Variants in SLC6A15 observed in about 807,000 individuals in gnomAD.
The protein encoded by SLC6A15 is solute carrier family 6 member 15, also known as sodium-dependent neutral amino acid transporter B(0)AT2.
SLC6A15 carries 33 observed loss-of-function variants against 68.5 expected under a neutral mutation model. That is an observed-to-expected ratio of 0.48 (90% confidence interval 0.37 to 0.64). The LOEUF is 0.64. Ranked by LOEUF, SLC6A15 falls within the 30% of genes least tolerant of loss-of-function variation. The pLI is 0.00. For missense variants in SLC6A15, 747 were observed against 874.3 expected, an observed-to-expected ratio of 0.85 and a Z score of 1.84; for synonymous variants, 347 against 301.0, an observed-to-expected ratio of 1.15 and a Z score of -1.58.
intron 5 of SLC6A15, chr12:84,882,430 C>G (rs1415665765): frequency 1.0e-6 from 1 of 967,494 alleles, no homozygotes; most frequent in Admixed American, 6.2e-5. Context: ...ATTCAAAAGA[C>G]AAAATGATAC....
intron 1 of SLC6A15, among the ~76,000 whole-genome samples, chr12:84,906,106 A>C (rs1368019762): frequency 6.6e-6 from 1 of 152,236 alleles, no homozygotes; most frequent in Non-Finnish European, 1.5e-5. Context: ...AAGTCACAGA[A>C]TACACGGTAA....
chr12:84,898,623 T>A (rs1304269974), intron 1 of SLC6A15, among the ~76,000 whole-genome samples: 1 of 152,190 alleles, frequency 6.6e-6, no homozygotes, highest in Non-Finnish European at 1.5e-5. Flanking sequence ...ATGAGAACAA[T>A]AATATACTTA....
intron 6 of SLC6A15, among the ~76,000 whole-genome samples, chr12:84,873,826 T>A (rs925294682): frequency 3.3e-5 from 5 of 152,240 alleles, no homozygotes; most frequent in Non-Finnish European, 7.3e-5. Flanking sequence ...CATATTCACA[T>A]ATGTATTCTT....
chr12:84,864,945 AT>A (rs145771833), intron 10 of SLC6A15, among the ~76,000 whole-genome samples: 1 of 152,130 alleles, frequency 6.6e-6, no homozygotes, highest in Non-Finnish European at 1.5e-5. Context: ...TAGTAGTAGT[AT>A]TTTTTCTTCT....
chr12:84,872,847 G>T, intron 7 of SLC6A15, 53 bp from the exon 8 acceptor site: 1 of 1,401,778 alleles, frequency 7.1e-7, no homozygotes. Context: ...TTGGTGTATA[G>T]TTTGTGAACG....
In SLC6A15 at chr12:84,883,836, A is replaced by G. The variant is rs79063785; in HGVS notation, c.756+23T>C. Reference sequence around the variant, plus strand: ...TCCAGAAATGGTGATTAGCAGAATGAGGAAGGGCTCTAACATACTAACTTT... The same window carrying G: ...TCCAGAAATGGTGATTAGCAGAATGGGGAAGGGCTCTAACATACTAACTTT... On this transcript the variant is annotated intron_variant, in intron 5 of 11. Transcript: ENST00000266682. 8.6e-3 allele frequency: 13,832 copies of G among 1,614,096 alleles called. 766 individuals are homozygous for G. In the African/African-American group the frequency reaches 0.14, roughly 16 times the overall value.
At position 84,872,739 on chromosome 12, in the gene SLC6A15, T is replaced by A. The variant is rs756526786; in HGVS notation, c.1165A>T (p.Ile389Phe). The change falls in exon 8 of 12, where the codon ATT (isoleucine) becomes TTT (phenylalanine). Residue 389 changes from isoleucine (I) to phenylalanine (F), a missense_variant. Ile to Phe is a conservative substitution (Grantham distance 21). Transcript: ENST00000266682. Reference sequence around the variant, plus strand: ...GTTGAAAGGTTGATATGATGGGGAATAATATCCTGACTAATGTTCCCCATT... The same window carrying A: ...GTTGAAAGGTTGATATGATGGGGAAAAATATCCTGACTAATGTTCCCCATT... ...LKMGNISQDI[I>F]PHHINLSTVT... is the part of the protein sequence containing the mutation. 19 of 1,612,146 alleles carry A rather than the reference T, an allele frequency of 1.2e-5. No homozygotes were observed. In the South Asian group the frequency reaches 1.7e-4, roughly 14 times the overall value.
At chr12:84,908,964 G>T (rs1873307675) in intron 1 of SLC6A15, among the ~76,000 whole-genome samples, 1 of 152,020 alleles carries the variant, frequency 6.6e-6, no homozygotes, top group Admixed American at 6.6e-5. Flanking sequence ...GATCATCACT[G>T]ATAATTTGCT....
chr12:84,885,045 A>G (rs1872023111), intron 4 of SLC6A15, among the ~76,000 whole-genome samples: 1 of 151,948 alleles, frequency 6.6e-6, no homozygotes, highest in Non-Finnish European at 1.5e-5. Flanking sequence ...TGGGAAAAGT[A>G]TGAAACAACA....
intron 10 of SLC6A15, among the ~76,000 whole-genome samples, chr12:84,866,443 C>A (rs1365371609): frequency 6.6e-6 from 1 of 152,076 alleles, no homozygotes; most frequent in Admixed American, 6.6e-5. Flanking sequence ...AGTAATGACT[C>A]TATATAAAAA....
intron 2 of SLC6A15, 69 bp downstream of exon 2, chr12:84,891,763 A>T: frequency 7.1e-7 from 1 of 1,400,606 alleles, no homozygotes; most frequent in Non-Finnish European, 9.8e-7. Flanking sequence ...AAACAGCAAT[A>T]ATAGGAGCTA....
intron 5 of SLC6A15, chr12:84,882,693 C>T (rs186904051): frequency 1.0e-3 from 179 of 173,910 alleles, no homozygotes; most frequent in African/African-American, 4.2e-3. Context: ...AGCCACGAAA[C>T]TTTGGATAAG....
chr12:84,904,788 A>G (rs570582099), intron 1 of SLC6A15, among the ~76,000 whole-genome samples: 1 of 152,328 alleles, frequency 6.6e-6, no homozygotes, highest in Non-Finnish European at 1.5e-5. Flanking sequence ...TGACCATGAG[A>G]GAATACTAAC....
chr12:84,878,097 A>G (rs919664860), intron 5 of SLC6A15, among the ~76,000 whole-genome samples: 5 of 150,626 alleles, frequency 3.3e-5, no homozygotes, highest in African/African-American at 1.0e-4. Flanking sequence ...AATAAGGGGC[A>G]CTCTCTAGTT....
chr12:84,905,969 T>C lies in SLC6A15; in HGVS notation c.-189+6554A>G, dbSNP rs181177141. On this transcript the variant is annotated intron_variant, in intron 1 of 11. Transcript: ENST00000266682. Reference sequence around the variant, plus strand: ...TAATCTGTTCTCCATACTTATTTTTTGGTCATTTCAAGAATGTTATATGAA... The same window carrying C: ...TAATCTGTTCTCCATACTTATTTTTCGGTCATTTCAAGAATGTTATATGAA... Among the ~76,000 whole-genome samples the C allele has an allele frequency of 1.1e-3, 165 of 152,338 alleles. 5 individuals carry two copies. Among genetic ancestry groups the C allele is most frequent in the Admixed American group, 0.01 (159 of 15,300 alleles).
intron 1 of SLC6A15, among the ~76,000 whole-genome samples, chr12:84,894,846 A>T (rs550900637): frequency 2.6e-5 from 4 of 152,158 alleles, no homozygotes; most frequent in African/African-American, 7.2e-5. Flanking sequence ...ACAAATTTTA[A>T]ATGTAATATT....
At chr12:84,900,702 C>A (rs1872820867) in intron 1 of SLC6A15, among the ~76,000 whole-genome samples, 1 of 151,404 alleles carries the variant, frequency 6.6e-6, no homozygotes, top group Non-Finnish European at 1.5e-5. Context: ...ATTAAGATAA[C>A]CATATCAGTT....
At chr12:84,865,734 CT>C (rs1305269201) in intron 10 of SLC6A15, among the ~76,000 whole-genome samples, 1 of 152,114 alleles carries the variant, frequency 6.6e-6, no homozygotes, top group Non-Finnish European at 1.5e-5. Context: ...TCATATGTGA[CT>C]TTTTTCACTA....
rs1281070764 is a variant in SLC6A15, at chr12:84,867,055, C to T, written c.1634G>A (p.Cys545Tyr). Reference protein sequence around the residue: ...IVVILENIAVCFVYGIDKFME... With the variant: ...IVVILENIAVYFVYGIDKFME... ...TTACTTATCTATGCCATAAACAAAGCATACAGCAATATTCTCCAAAATGAC... is the reference window on the plus strand; with the variant it reads ...TTACTTATCTATGCCATAAACAAAGTATACAGCAATATTCTCCAAAATGAC... Residue 545 changes from cysteine to tyrosine, a missense_variant, in exon 10 of 12, where the codon TGC (cysteine) becomes TAC (tyrosine). By Grantham distance (194) the Cys-to-Tyr change is radical (BLOSUM62 -2). Coordinates refer to ENST00000266682, the MANE Select transcript of SLC6A15 (RefSeq NM_182767.6). 6.2e-7 allele frequency: 1 copy of T among 1,604,776 alleles called. No homozygotes were observed. The highest frequency in any genetic ancestry group is 8.5e-7 in the Non-Finnish European group (1 of 1,176,268).
Sources: gnomAD v4.1 joint callset for allele counts (sites outside exome capture counted in the v4.1 genomes callset) on GRCh38, gnomAD v4.1.1 for gene constraint, MANE v1.5 for transcripts, NCBI Gene and HGNC (gene_info 2026-07-23, HGNC 2026-07-21) for gene names.